Variants in DACH2 observed in about 807,000 individuals in gnomAD.
DACH2 encodes dachshund homolog 2.
A neutral mutation model predicts 35.8 loss-of-function variants in DACH2; 17 were observed. The ratio of observed to expected loss-of-function variants is 0.48; its 90% confidence interval spans 0.33 to 0.71. The LOEUF (loss-of-function observed/expected upper bound fraction) is 0.71, where lower values mean the gene tolerates loss of function less well. Among genes scored for constraint, DACH2 ranks in the 30% least tolerant of loss-of-function variants. DACH2 has a pLI of 0.02. For synonymous variants in DACH2, 195 were observed against 177.3 expected, an observed-to-expected ratio of 1.10 and a Z score of -0.79; for missense variants, 469 against 472.7, an observed-to-expected ratio of 0.99 and a Z score of 0.07.
intron 1 of DACH2, among the ~76,000 whole-genome samples, chrX:86,274,936 A>G (rs1466931960): frequency 8.9e-6 from 1 of 112,122 alleles, no homozygotes; most frequent in African/African-American, 3.2e-5. Context: ...GTCATCTTCA[A>G]TGAATACAAA....
chrX:86,224,382 A>G (rs1269891053), intron 1 of DACH2, among the ~76,000 whole-genome samples: 1 of 111,752 alleles, frequency 8.9e-6, no homozygotes, highest in Non-Finnish European at 1.9e-5. Flanking sequence ...CATGTTCCAC[A>G]TTATCTGATG....
At chrX:86,314,287 C>T (rs982995735) in intron 1 of DACH2, among the ~76,000 whole-genome samples, 6 of 110,962 alleles carry the variant, frequency 5.4e-5, no homozygotes, top group African/African-American at 9.9e-5. Flanking sequence ...GAGGCCTAGG[C>T]GAGAGGATCA....
At chrX:86,348,455 G>C (rs900675558) in intron 1 of DACH2, among the ~76,000 whole-genome samples, 3 of 111,343 alleles carry the variant, frequency 2.7e-5, no homozygotes, top group African/African-American at 9.8e-5. Context: ...TAAATGTATA[G>C]TCATATGGGG....
intron 5 of DACH2, among the ~76,000 whole-genome samples, chrX:86,697,910 A>G (rs933357006): frequency 9.0e-6 from 1 of 111,577 alleles, no homozygotes; most frequent in Non-Finnish European, 1.9e-5. Flanking sequence ...AACAGAAGAC[A>G]TATTTGAAAT....
chrX:86,634,003 A>G (rs1362288565), intron 3 of DACH2, among the ~76,000 whole-genome samples: 2 of 112,111 alleles, frequency 1.8e-5, no homozygotes, highest in Non-Finnish European at 3.8e-5. Context: ...CACAGTTAAC[A>G]CAGGCTGTAC....
rs368121031 is a variant in DACH2, at chrX:86,826,088, G to T, written c.1751-6018G>T. On this transcript the variant is annotated intron_variant, in intron 11 of 11. Transcript: ENST00000373125. ...TGATTTCAGTAGGAGGGAACTATTTGGCCTATAAGTGATGTGTAAAACTTC... is the reference window on the plus strand; with the variant it reads ...TGATTTCAGTAGGAGGGAACTATTTTGCCTATAAGTGATGTGTAAAACTTC... Among the ~76,000 whole-genome samples, 28 of 111,167 alleles carry T rather than the reference G, an allele frequency of 2.5e-4. No individual in the cohort carries two copies. In the East Asian group the frequency reaches 6.0e-3, roughly 24 times the overall value.
At chrX:86,613,558 G>T (rs1602701557) in intron 3 of DACH2, among the ~76,000 whole-genome samples, 1 of 111,676 alleles carries the variant, frequency 9.0e-6, no homozygotes, top group East Asian at 2.8e-4. Flanking sequence ...TATACCATAA[G>T]CTGCTCAGTG....
At chrX:86,555,377 A>C (rs913276668) in intron 3 of DACH2, among the ~76,000 whole-genome samples, 6 of 111,792 alleles carry the variant, frequency 5.4e-5, no homozygotes, top group African/African-American at 1.6e-4. Flanking sequence ...AATATTTACA[A>C]GAGTAAATCA....
At chrX:86,678,891 A>C (rs2040849151) in intron 4 of DACH2, among the ~76,000 whole-genome samples, 1 of 111,794 alleles carries the variant, frequency 8.9e-6, no homozygotes, top group African/African-American at 3.2e-5. Context: ...ATGAACACAA[A>C]TTAGATTTCT....
At chrX:86,824,032 CATCTT>C (rs2042539203) in intron 11 of DACH2, among the ~76,000 whole-genome samples, 1 of 111,298 alleles carries the variant, frequency 9.0e-6, no homozygotes, top group Non-Finnish European at 1.9e-5. Context: ...TCTTGATAAA[CATCTT>C]AAACAACAGA....
At chrX:86,245,223 C>T (rs768307314) in intron 1 of DACH2, among the ~76,000 whole-genome samples, 8 of 111,499 alleles carry the variant, frequency 7.2e-5, no homozygotes, top group Admixed American at 6.7e-4. Flanking sequence ...TAATGTACCC[C>T]ACCCCGCCAC....
intron 2 of DACH2, among the ~76,000 whole-genome samples, chrX:86,397,095 A>T (rs1430513650): frequency 9.1e-6 from 1 of 109,888 alleles, no homozygotes; most frequent in Non-Finnish European, 1.9e-5. Context: ...CTCCTTGAAG[A>T]GGTCCTTCAC....
chrX:86,623,882 T>C (rs1413931126), intron 3 of DACH2, among the ~76,000 whole-genome samples: 2 of 98,592 alleles, frequency 2.0e-5, no homozygotes, highest in Non-Finnish European at 4.2e-5. Context: ...ACCCCGTCTC[T>C]ACTAAAAATA....
intron 6 of DACH2, among the ~76,000 whole-genome samples, chrX:86,719,363 G>A (rs1402999673): frequency 8.9e-6 from 1 of 111,815 alleles, no homozygotes; most frequent in Non-Finnish European, 1.9e-5. Flanking sequence ...GATATTTGGT[G>A]GAGACTGAGG....
intron 7 of DACH2, among the ~76,000 whole-genome samples, chrX:86,774,372 A>G (rs2042012418): frequency 9.0e-6 from 1 of 111,650 alleles, no homozygotes; most frequent in Non-Finnish European, 1.9e-5. Context: ...TTTTGCCTTC[A>G]ATAGTTTGTT....
chrX:86,309,411 C>A (rs1174264077), intron 1 of DACH2, among the ~76,000 whole-genome samples: 3 of 112,314 alleles, frequency 2.7e-5, no homozygotes, highest in Non-Finnish European at 5.6e-5. Flanking sequence ...AAGCAATTTG[C>A]CTTCAGCTGG....
At chrX:86,321,583 A>G (rs751149285) in intron 1 of DACH2, among the ~76,000 whole-genome samples, 171 of 111,913 alleles carry the variant, frequency 1.5e-3, no homozygotes, top group Middle Eastern at 4.6e-3. Flanking sequence ...AGGATTGTCA[A>G]GAAGTATAGC....
intron 1 of DACH2, among the ~76,000 whole-genome samples, chrX:86,195,332 G>A (rs1338302017): frequency 6.3e-5 from 7 of 111,835 alleles, no homozygotes; most frequent in Non-Finnish European, 1.1e-4. Context: ...GTTTGGGAGA[G>A]CAACTAGGCA....
intron 5 of DACH2, among the ~76,000 whole-genome samples, chrX:86,700,724 C>G (rs1042166390): frequency 9.0e-6 from 1 of 110,631 alleles, no homozygotes; most frequent in African/African-American, 3.3e-5. Context: ...ATAAATACCT[C>G]TGTGCACACA....
Sources: allele counts gnomAD v4.1 joint callset (sites outside exome capture counted in the v4.1 genomes callset), GRCh38; gene constraint gnomAD v4.1.1; transcripts MANE v1.5; gene names NCBI Gene and HGNC (gene_info 2026-07-23, HGNC 2026-07-21).